The following PAPPA variants were observed in gnomAD, a reference collection of about 807,000 sequenced individuals.
The protein encoded by PAPPA is pappalysin 1.
Under a neutral mutation model 164.0 loss-of-function variants are expected in PAPPA, and 60 were observed. The ratio of observed to expected loss-of-function variants is 0.37; its 90% CI spans 0.30 to 0.45. The LOEUF is 0.45. PAPPA is among the 20% of genes least tolerant of loss of function. The pLI, the probability that PAPPA is intolerant of heterozygous loss-of-function variation, is 1.00. For synonymous variants in PAPPA, 875 were observed against 814.1 expected, an observed-to-expected ratio of 1.07 and a Z score of -1.27; for missense variants, 1,782 against 2,087.3, an observed-to-expected ratio of 0.85 and a Z score of 2.85.
At chr9:116,248,167 T>C (rs1587970830) in intron 7 of PAPPA, among the ~76,000 whole-genome samples, 1 of 151,908 alleles carries the variant, frequency 6.6e-6, no homozygotes, top group Non-Finnish European at 1.5e-5. Flanking sequence ...CTACCAGGAG[T>C]TGCTATGCTT....
At chr9:116,355,795 C>T (rs578057083) in intron 17 of PAPPA, among the ~76,000 whole-genome samples, 1 of 152,228 alleles carries the variant, frequency 6.6e-6, no homozygotes, top group South Asian at 2.1e-4. Context: ...TGGCAACTAA[C>T]GGAGAGGCTA....
chr9:116,257,666 C>T (rs1294726465), intron 7 of PAPPA, among the ~76,000 whole-genome samples: 1 of 152,052 alleles, frequency 6.6e-6, no homozygotes, highest in Non-Finnish European at 1.5e-5. Context: ...CGCGCCACTG[C>T]ACTCCAGCCT....
chr9:116,256,264 CAG>C lies in PAPPA; in HGVS notation c.2733-9591_2733-9590del, dbSNP rs561486927. On this transcript the variant is annotated intron_variant, in intron 7 of 21. Transcript: ENST00000328252. ...ATACAAATTAGTATTTTAGAATAAA[CAG>C]AATGCAATAACAACAAAAAATAAAT... is the stretch of plus-strand genomic sequence containing the variant. Among the ~76,000 whole-genome samples, 454 of 151,892 alleles carry C rather than the reference CAG, an allele frequency of 3.0e-3. 2 individuals carry two copies. The highest frequency in any genetic ancestry group is 0.01 in the African/African-American group (428 of 41,464).
At chr9:116,193,075 A>G (rs1368157053) in intron 2 of PAPPA, among the ~76,000 whole-genome samples, 4 of 152,172 alleles carry the variant, frequency 2.6e-5, no homozygotes, top group Middle Eastern at 3.4e-3. Flanking sequence ...ATAAGGAAAC[A>G]TTTCCTTTGT....
At chr9:116,371,491 G>GA (rs1237171682) in intron 19 of PAPPA, among the ~76,000 whole-genome samples, 1 of 152,094 alleles carries the variant, frequency 6.6e-6, no homozygotes, top group Non-Finnish European at 1.5e-5. Flanking sequence ...AAATATTTTG[G>GA]AAAGAAAGAC....
intron 6 of PAPPA, among the ~76,000 whole-genome samples, chr9:116,230,978 T>C (rs1844584025): frequency 6.6e-6 from 1 of 152,140 alleles, no homozygotes; most frequent in African/African-American, 2.4e-5. Context: ...TTTTCTCTAT[T>C]TTTCTGCCCA....
rs116748585 is a variant in PAPPA at position 116,259,498 on chromosome 9, A to G, written c.2733-6359A>G. ...AAAATAGGCAAAAAGATGAACAAACAATATGCATGACTAGAAACCTACTTG... is the reference window on the plus strand; with the variant it reads ...AAAATAGGCAAAAAGATGAACAAACGATATGCATGACTAGAAACCTACTTG... On this transcript the variant is annotated intron_variant, in intron 7 of 21. Transcript: ENST00000328252. Among the ~76,000 whole-genome samples the G allele has an allele frequency of 8.2e-3, 1,244 of 152,346 alleles. 16 individuals carry two copies. The highest frequency in any genetic ancestry group is 0.028 in the African/African-American group (1,157 of 41,582).
chr9:116,345,842 T>C (rs962942815), intron 14 of PAPPA, among the ~76,000 whole-genome samples: 4 of 152,190 alleles, frequency 2.6e-5, no homozygotes, highest in Non-Finnish European at 4.4e-5. Flanking sequence ...CAGGTGGGGC[T>C]TGGGGGAGTG....
chr9:116,154,076 T>A lies in PAPPA; in HGVS notation c.-97T>A, dbSNP rs1372953048. ...GAAAGGGGGGCTCGCCCAAGAAGGG[T>A]GAAGAAGCGAAGAAAGTCGAGGCGC... On this transcript the variant is annotated 5_prime_UTR_variant, in exon 1 of 22. Coordinates refer to ENST00000328252, the MANE Select transcript of PAPPA (RefSeq NM_002581.5). This position sits in a 1 kb window ranked among gnomAD's most constrained non-coding sequence, Gnocchi z 5.2. The A allele has an allele frequency of 1.7e-6, 2 of 1,143,452 alleles. No individual in the cohort carries two copies. Among genetic ancestry groups the A allele is most frequent in the East Asian group, 1.3e-4 (2 of 15,184 alleles). 70.8% of individuals were successfully genotyped at this position (1,143,452 alleles called of 1,614,324 possible). A position where few individuals can be genotyped will look rare whatever the true frequency, so the allele number is the denominator to read the frequency against.
At chr9:116,212,904 A>G (rs1158131258) in intron 4 of PAPPA, among the ~76,000 whole-genome samples, 1 of 152,224 alleles carries the variant, frequency 6.6e-6, no homozygotes, top group Non-Finnish European at 1.5e-5. Context: ...TAATTCTCAC[A>G]ACAAATGTGT....
chr9:116,340,364 G>C (rs1466164216), intron 13 of PAPPA, among the ~76,000 whole-genome samples: 1 of 152,184 alleles, frequency 6.6e-6, no homozygotes, highest in African/African-American at 2.4e-5. Context: ...TAACAGGATA[G>C]CAAAGAAAAA....
chr9:116,275,795 G>A (rs991414911), intron 9 of PAPPA, among the ~76,000 whole-genome samples: 7 of 152,028 alleles, frequency 4.6e-5, no homozygotes, highest in African/African-American at 1.7e-4. Flanking sequence ...TAACACCAGC[G>A]TTAGGGTGGG....
At chr9:116,240,381 T>A (rs1366333572) in intron 7 of PAPPA, among the ~76,000 whole-genome samples, 1 of 152,150 alleles carries the variant, frequency 6.6e-6, no homozygotes, top group Non-Finnish European at 1.5e-5. Flanking sequence ...CAAACTTGGA[T>A]GAATTGAAGT....
chr9:116,209,061 A>G (rs1218423660), intron 3 of PAPPA, among the ~76,000 whole-genome samples: 1 of 152,166 alleles, frequency 6.6e-6, no homozygotes, highest in Non-Finnish European at 1.5e-5. Context: ...AATTATACAG[A>G]CTAAAAAGTC....
At chr9:116,237,517 G>A (rs867543940) in intron 7 of PAPPA, among the ~76,000 whole-genome samples, 3 of 152,126 alleles carry the variant, frequency 2.0e-5, no homozygotes. Context: ...GAGCTGCCAT[G>A]GGTTGATAAG....
At chr9:116,378,456 T>A (rs571530959) in intron 20 of PAPPA, among the ~76,000 whole-genome samples, 1 of 152,312 alleles carries the variant, frequency 6.6e-6, no homozygotes, top group African/African-American at 2.4e-5. Flanking sequence ...TCTCTGTGGT[T>A]CATCCAGAGC....
chr9:116,267,595 C>T (rs769385670), intron 8 of PAPPA, among the ~76,000 whole-genome samples: 90 of 152,100 alleles, frequency 5.9e-4, no homozygotes, highest in African/African-American at 1.0e-3. Flanking sequence ...AAATGGCGGC[C>T]GGGTGCGGTG....
At chr9:116,383,139 T>C (rs1230975963) in intron 21 of PAPPA, among the ~76,000 whole-genome samples, 5 of 152,050 alleles carry the variant, frequency 3.3e-5, no homozygotes, top group Non-Finnish European at 7.4e-5. Context: ...AAGAAAAACA[T>C]TCGATAGATG....
chr9:116,227,890 G>A (rs781406505), intron 6 of PAPPA, among the ~76,000 whole-genome samples: 3 of 152,098 alleles, frequency 2.0e-5, no homozygotes, highest in Non-Finnish European at 4.4e-5. Context: ...TACAAACAAG[G>A]CCACTTTAGA....
Sources: gnomAD v4.1 joint callset for allele counts (sites outside exome capture counted in the v4.1 genomes callset) on GRCh38, gnomAD v4.1.1 for gene constraint, Gnocchi (gnomAD v3.1) non-coding constraint, MANE v1.5 for transcripts, NCBI Gene and HGNC (gene_info 2026-07-23, HGNC 2026-07-21) for gene names.